Variants in CCDC148 observed in about 807,000 individuals in gnomAD.
CCDC148 encodes coiled-coil domain-containing protein 148.
In CCDC148, 89 loss-of-function variants were observed where a neutral mutation model predicts 85.7. The observed-to-expected ratio is 1.04, with a 90% CI of 0.87 to 1.24. The LOEUF (loss-of-function observed/expected upper bound fraction) is 1.24. Among genes scored for constraint, CCDC148 ranks in the 50% most tolerant of loss-of-function variants. The pLI is 0.00. For missense variants in CCDC148, 692 were observed against 671.7 expected, an observed-to-expected ratio of 1.03 and a Z score of -0.33; for synonymous variants, 230 against 213.9, an observed-to-expected ratio of 1.08 and a Z score of -0.66.
intron 10 of CCDC148, among the ~76,000 whole-genome samples, chr2:158,231,731 G>A (rs1276924878): frequency 1.3e-5 from 2 of 151,994 alleles, no homozygotes; most frequent in Non-Finnish European, 2.9e-5. Context: ...CACATAAGAG[G>A]GTATCATTGA....
intron 1 of CCDC148, among the ~76,000 whole-genome samples, chr2:158,419,463 A>G (rs907067074): frequency 6.6e-6 from 1 of 152,182 alleles, no homozygotes; most frequent in Non-Finnish European, 1.5e-5. Context: ...TAGGAAGGGT[A>G]TATATTGGTT....
At chr2:158,427,133 T>C (rs182097307) in intron 1 of CCDC148, among the ~76,000 whole-genome samples, 1 of 152,320 alleles carries the variant, frequency 6.6e-6, no homozygotes, top group African/African-American at 2.4e-5. Flanking sequence ...GGCTATACTA[T>C]AATTTCAATA....
At chr2:158,210,138 C>CA (rs1291979535) in intron 11 of CCDC148, among the ~76,000 whole-genome samples, 2 of 151,472 alleles carry the variant, frequency 1.3e-5, no homozygotes, top group Admixed American at 1.3e-4. Flanking sequence ...AAATGGAAAG[C>CA]AAAAAAAGGC....
intron 10 of CCDC148, among the ~76,000 whole-genome samples, chr2:158,244,722 T>C (rs1688498094): frequency 6.6e-6 from 1 of 152,166 alleles, no homozygotes; most frequent in South Asian, 2.1e-4. Context: ...AGGTCTTCTG[T>C]GCCATATAAT....
At chr2:158,328,876 G>A (rs1430321779) in intron 7 of CCDC148, among the ~76,000 whole-genome samples, 1 of 151,836 alleles carries the variant, frequency 6.6e-6, no homozygotes, top group Non-Finnish European at 1.5e-5. Context: ...TTTTTTTCTT[G>A]TAAATTTGTT....
intron 3 of CCDC148, among the ~76,000 whole-genome samples, chr2:158,343,765 G>A (rs1167315183): frequency 6.6e-6 from 1 of 152,090 alleles, no homozygotes; most frequent in Non-Finnish European, 1.5e-5. Context: ...TCCTATTGCT[G>A]TTAGCTTTTA....
chr2:158,316,901 T>A (rs1423468792), intron 7 of CCDC148, among the ~76,000 whole-genome samples: 1 of 152,206 alleles, frequency 6.6e-6, no homozygotes, highest in Non-Finnish European at 1.5e-5. Context: ...TAAAATAAAA[T>A]CAGATTCAAT....
chr2:158,250,827 T>A lies in CCDC148; in HGVS notation c.1196A>T (p.Lys399Ile). ...TTCCTTCTTCTTCCACAGTTTCTCT[T>A]TCTCCTCTTCCTTTTCTCTTCTTCT... ...SARRREKEEE[K>I]EKLWKKKELL... The change falls in exon 10 of 14, where the codon AAA becomes ATA. Residue 399 changes from lysine to isoleucine, a missense_variant. Physicochemically the swap from Lys to Ile is moderately radical, Grantham distance 102. Transcript: ENST00000283233. 6.2e-7 allele frequency: 1 copy of A among 1,605,634 alleles called. No individual in the cohort carries two copies. The highest frequency in any genetic ancestry group is 8.5e-7 in the Non-Finnish European group (1 of 1,177,476).
At chr2:158,400,111 A>G (rs1685710117) in intron 1 of CCDC148, among the ~76,000 whole-genome samples, 2 of 152,196 alleles carry the variant, frequency 1.3e-5, no homozygotes, top group Admixed American at 1.3e-4. Flanking sequence ...AAGAATCAAT[A>G]TCGTGAAAAT....
rs1364349724 is a variant in CCDC148 at position 158,456,753 on chromosome 2, T to A, written c.-314A>T. On this transcript the variant is annotated 5_prime_UTR_variant, in exon 1 of 14. Transcript: ENST00000283233. ...TCGCGCTGAACAGCATCGGTCTCTA[T>A]GGCGACCTGAAACCGCAGCTCCCAT... 2.8e-6 allele frequency: 1 copy of A among 352,864 alleles called. No homozygotes were observed. Among genetic ancestry groups the A allele is most frequent in the Admixed American group, 4.4e-5 (1 of 22,562 alleles). The allele number at this position is 352,864 out of a possible 1,614,324, so 21.9% of individuals were successfully genotyped here.
chr2:158,277,413 T>G (rs183438240), intron 9 of CCDC148, among the ~76,000 whole-genome samples: 1 of 152,158 alleles, frequency 6.6e-6, no homozygotes, highest in Non-Finnish European at 1.5e-5. Context: ...TTTGTCATAG[T>G]CAAGGAGAAT....
intron 8 of CCDC148, among the ~76,000 whole-genome samples, chr2:158,310,809 G>A (rs1472203973): frequency 2.0e-5 from 3 of 150,274 alleles, no homozygotes; most frequent in Non-Finnish European, 4.4e-5. Context: ...TAGGCGGCCA[G>A]GCAGAGACGC....
At chr2:158,278,699 G>C (rs1051314179) in intron 9 of CCDC148, among the ~76,000 whole-genome samples, 3 of 152,244 alleles carry the variant, frequency 2.0e-5, no homozygotes, top group Admixed American at 6.5e-5. Context: ...CTGGGGGCAG[G>C]GCACAGACAA....
At chr2:158,442,239 C>A (rs1687965954) in intron 1 of CCDC148, among the ~76,000 whole-genome samples, 1 of 152,162 alleles carries the variant, frequency 6.6e-6, no homozygotes, top group South Asian at 2.1e-4. Context: ...GAGCTAAGAA[C>A]AGATTGCTTC....
intron 11 of CCDC148, among the ~76,000 whole-genome samples, chr2:158,196,448 C>T (rs530184947): frequency 6.6e-6 from 1 of 152,234 alleles, no homozygotes; most frequent in African/African-American, 2.4e-5. Context: ...CTCCTCCCCC[C>T]AGCCAGTTGT....
chr2:158,383,756 T>C (rs1047569887), intron 1 of CCDC148, among the ~76,000 whole-genome samples: 3 of 152,144 alleles, frequency 2.0e-5, no homozygotes, highest in African/African-American at 7.2e-5. Context: ...AACAAGGACA[T>C]TCTACTACAT....
intron 1 of CCDC148, among the ~76,000 whole-genome samples, chr2:158,391,910 G>A (rs1685325572): frequency 6.6e-6 from 1 of 152,070 alleles, no homozygotes; most frequent in African/African-American, 2.4e-5. Flanking sequence ...GAGACCTGGA[G>A]GAGGATCTGA....
At chr2:158,351,393 C>T (rs561005587) in intron 2 of CCDC148, among the ~76,000 whole-genome samples, 50 of 152,248 alleles carry the variant, frequency 3.3e-4, no homozygotes, top group African/African-American at 1.1e-3. Flanking sequence ...GTGCGCGAGC[C>T]GAAGCAGGGC....
At chr2:158,279,714 C>G (rs186111532) in intron 9 of CCDC148, among the ~76,000 whole-genome samples, 1 of 152,098 alleles carries the variant, frequency 6.6e-6, no homozygotes, top group Non-Finnish European at 1.5e-5. Flanking sequence ...AGGATATTAT[C>G]CAGGAGAACT....
Sources: allele counts gnomAD v4.1 joint callset (sites outside exome capture counted in the v4.1 genomes callset), GRCh38; gene constraint gnomAD v4.1.1; transcripts MANE v1.5; gene names NCBI Gene and HGNC (gene_info 2026-07-23, HGNC 2026-07-21).